MAK16: variants seen among roughly 807,000 people sequenced by gnomAD.
MAK16 encodes the protein MAK16 homolog, also known as protein MAK16 homolog.
Under a neutral mutation model 49.9 loss-of-function variants are expected in MAK16, and 12 were observed. That is an observed-to-expected ratio of 0.24 (90% CI 0.15 to 0.39). The LOEUF is 0.39. Ranked by LOEUF, MAK16 falls within the 10% of genes least tolerant of loss-of-function variation. MAK16 has a pLI of 1.00. For synonymous variants in MAK16, 115 were observed against 126.4 expected (o/e 0.91, Z 0.60); for missense variants, 292 against 363.7 (o/e 0.80, Z 1.60).
intron 1 of MAK16, among the ~76,000 whole-genome samples, chr8:33,487,835 A>G (rs1440379070): frequency 1.3e-5 from 2 of 152,246 alleles, no homozygotes; most frequent in African/African-American, 4.8e-5. Flanking sequence ...ATATTTACAG[A>G]ATAGTAATGA....
chr8:33,487,731 C>G (rs901896909), intron 1 of MAK16, among the ~76,000 whole-genome samples: 1 of 151,744 alleles, frequency 6.6e-6, no homozygotes, highest in Non-Finnish European at 1.5e-5. Flanking sequence ...CCATGAGAGC[C>G]TTTAATAATG....
chr8:33,495,684 AATTTTTTTTTTTTTTTT>A, intron 7 of MAK16, 68 bp downstream of exon 7: 2 of 331,654 alleles, frequency 6.0e-6, no homozygotes, highest in Non-Finnish European at 1.1e-5. Context: ...ACATATTGGG[AATTTTTTTTTTTTTTTT>A]TTTTTTTTTT....
Position 33,500,051 on chromosome 8 carries a change from T to A in MAK16, c.*1422T>A, listed in dbSNP as rs972072546. 6 of 278,580 alleles carry A rather than the reference T, an allele frequency of 2.2e-5. No individual in the cohort carries two copies. The East Asian group carries it at 3.7e-4, about 17-fold the overall frequency. 17.3% of individuals were successfully genotyped at this position (278,580 alleles called of 1,614,324 possible). A position where few individuals can be genotyped will look rare whatever the true frequency, so the allele number is the denominator to read the frequency against. On this transcript the variant is annotated 3_prime_UTR_variant, in exon 10 of 10. Transcript: ENST00000360128. The stretch of plus-strand genomic sequence containing the variant: ...ACAGAACTTAAATTTTACAAACTTT[T>A]GATCATAATGCTTTTGCCCATACTG...
intron 9 of MAK16, 27 bp downstream of exon 9, chr8:33,497,324 C>T: frequency 7.3e-7 from 1 of 1,377,522 alleles, no homozygotes; most frequent in Non-Finnish European, 1.0e-6. Flanking sequence ...AAAAGATTGT[C>T]CTTTGGCCTG....
chr8:33,490,644 A>G (rs891049177), intron 6 of MAK16, among the ~76,000 whole-genome samples: 14 of 152,206 alleles, frequency 9.2e-5, no homozygotes, highest in African/African-American at 3.4e-4. Context: ...TATTTTACAT[A>G]CTACATAAAA....
chr8:33,500,426 C>T lies in MAK16; in HGVS notation c.*1797C>T. The T allele has an allele frequency of 6.2e-7, 1 of 1,614,094 alleles. No homozygotes were observed. Among genetic ancestry groups the T allele is most frequent in the Non-Finnish European group, 8.5e-7 (1 of 1,180,016 alleles). On this transcript the variant is annotated 3_prime_UTR_variant, in exon 10 of 10. Coordinates refer to ENST00000360128, the MANE Select transcript of MAK16 (RefSeq NM_032509.4). ...ACAGACTCAGGTGTAAGGTTTGGAT[C>T]CCTTGCTACATCACAAATCAGTTTC... is the stretch of plus-strand genomic sequence containing the variant.
chr8:33,498,271 C>A (rs1358950538), intron 9 of MAK16, among the ~76,000 whole-genome samples, 161 bp from the exon 10 acceptor site: 556 of 85,336 alleles, frequency 6.5e-3, no homozygotes, highest in Admixed American at 9.2e-3. Flanking sequence ...GACCCCGTCT[C>A]AAAAAAAAAA....
At position 33,490,734 on chromosome 8, in the gene MAK16, A is replaced by T. The variant is rs535424977; in HGVS notation, c.447+395A>T. On this transcript the variant is annotated intron_variant, in intron 6 of 9. Transcript: ENST00000360128. ...ATACAGGCATGCAGTGAGTAATAAC[A>T]TCATGGAAAATTGGGTATCCGTCCC... is the stretch of plus-strand genomic sequence containing the variant. 5.3e-5 allele frequency among the ~76,000 whole-genome samples: 8 copies of T among 152,350 alleles called. No homozygotes were observed. In the South Asian group the frequency reaches 1.7e-3, roughly 32 times the overall value.
chr8:33,486,571 A>G (rs1808691318), intron 1 of MAK16, among the ~76,000 whole-genome samples: 1 of 152,202 alleles, frequency 6.6e-6, no homozygotes, highest in East Asian at 1.9e-4. Flanking sequence ...AATTTTTTTA[A>G]AAACGAAAGT....
chr8:33,485,331 T>C, intron 1 of MAK16, 110 bp downstream of exon 1: 1 of 1,435,362 alleles, frequency 7.0e-7, no homozygotes, highest in Non-Finnish European at 9.8e-7. Context: ...CGTGCCGCTC[T>C]GGATGTGAGG....
chr8:33,489,066 C>T lies in MAK16; in HGVS notation c.319C>T (p.His107Tyr), dbSNP rs751249191. 3 of 1,613,960 alleles carry T rather than the reference C, an allele frequency of 1.9e-6. No individual in the cohort carries two copies. Among genetic ancestry groups the T allele is most frequent in the South Asian group, 2.2e-5 (2 of 91,078 alleles). ...NLIYWPRFIR[H>Y]KCKQRFTKIT... ...GATTTACTGGCCCCGTTTCATTCGA[C>T]ACAAATGTAAGCAGAGATTCACCAA... The change falls in exon 5 of 10, where the codon CAC (histidine) becomes TAC (tyrosine). Residue 107 changes from histidine (H) to tyrosine (Y), a missense_variant. Physicochemically the swap from His to Tyr is moderately conservative, Grantham distance 83. Transcript: ENST00000360128. The surrounding 1 kb of genome is among the most constrained non-coding windows in gnomAD (Gnocchi z 4.2).
In MAK16 at chr8:33,499,123, A is replaced by C. The variant is rs1027334760; in HGVS notation, c.*494A>C. The C allele has an allele frequency of 6.9e-7, 1 of 1,456,520 alleles. No homozygotes were observed. Among genetic ancestry groups the C allele is most frequent in the Admixed American group, 1.7e-5 (1 of 59,536 alleles). The allele number at this position is 1,456,520 out of a possible 1,614,324, so 90.2% of individuals were successfully genotyped here. On this transcript the variant is annotated 3_prime_UTR_variant, in exon 10 of 10. Coordinates refer to ENST00000360128, the MANE Select transcript of MAK16 (RefSeq NM_032509.4). ...TTTTCTTAAATAACTCCATTCATAC[A>C]AATTGGGATGGGAAGAAAATCCTTT...
At chr8:33,488,146 TC>T (rs1808717374) in intron 1 of MAK16, among the ~76,000 whole-genome samples, 1 of 152,160 alleles carries the variant, frequency 6.6e-6, no homozygotes, top group African/African-American at 2.4e-5. Context: ...CAGGCTGGTC[TC>T]AAACTCCTCA....
chr8:33,485,198 G>T lies in MAK16; in HGVS notation c.-9G>T. The T allele has an allele frequency of 6.2e-7, 1 of 1,614,180 alleles. No homozygotes were observed. Among genetic ancestry groups the T allele is most frequent in the Non-Finnish European group, 8.5e-7 (1 of 1,180,036 alleles). ...CCGACCGGAAGTTGCACGCTGAGCC[G>T]CGGACACCATGCAGTCGGATGATGT... On this transcript the variant is annotated 5_prime_UTR_variant, in exon 1 of 10. Coordinates refer to ENST00000360128, the MANE Select transcript of MAK16 (RefSeq NM_032509.4).
intron 6 of MAK16, among the ~76,000 whole-genome samples, chr8:33,492,795 A>G (rs536661449): frequency 1.3e-5 from 2 of 151,070 alleles, no homozygotes; most frequent in East Asian, 1.9e-4. Flanking sequence ...TGTGGTTGCT[A>G]TAGGTCCATA....
chr8:33,498,488 T>A lies in MAK16; in HGVS notation c.762T>A (p.Ser254Arg), dbSNP rs376129403. ...SDEDQDGKSS[S>R]EEEEEKALSA... ...AAGATCAGGATGGTAAATCCTCCAG[T>A]GAGGAGGAGGAAGAAAAGGCCCTTA... Residue 254 changes from serine to arginine, a missense_variant, in exon 10 of 10, where the codon AGT (serine) becomes AGA (arginine). Physicochemically the swap from Ser to Arg is moderately radical, Grantham distance 110. Coordinates refer to ENST00000360128, the MANE Select transcript of MAK16 (RefSeq NM_032509.4). The A allele has an allele frequency of 1.2e-6, 2 of 1,613,272 alleles. No homozygotes were observed. Among genetic ancestry groups the A allele is most frequent in the African/African-American group, 2.7e-5 (2 of 74,668 alleles).
chr8:33,490,458 A>G, intron 6 of MAK16, 119 bp downstream of exon 6: 2 of 673,016 alleles, frequency 3.0e-6, no homozygotes, highest in Non-Finnish European at 5.0e-6. Flanking sequence ...ACTAATAGAT[A>G]ACTATTAGTT....
At chr8:33,493,630 C>T (rs1011184860) in intron 6 of MAK16, among the ~76,000 whole-genome samples, 3 of 151,950 alleles carry the variant, frequency 2.0e-5, no homozygotes, top group Non-Finnish European at 4.4e-5. Flanking sequence ...TCATTATGCT[C>T]CATTAGTTAT....
chr8:33,485,232 TCCGGTTGTTCTTACAC>T lies in MAK16; in HGVS notation c.15+16_15+31del. On this transcript the variant is annotated intron_variant, in intron 1 of 9. Transcript: ENST00000360128. ...ATGCAGTCGGATGATGTGAGTCTCC[TCCGGTTGTTCTTACAC>T]CCGGGGTTTGCGCAGGGAATTTTGC... is the stretch of plus-strand genomic sequence containing the variant. The T allele has an allele frequency of 6.2e-7, 1 of 1,614,226 alleles. No homozygotes were observed. The highest frequency in any genetic ancestry group is 1.1e-5 in the South Asian group (1 of 91,088).
Sources: gnomAD v4.1 joint callset for allele counts (sites outside exome capture counted in the v4.1 genomes callset) on GRCh38, gnomAD v4.1.1 for gene constraint, Gnocchi (gnomAD v3.1) non-coding constraint, MANE v1.5 for transcripts, NCBI Gene and HGNC (gene_info 2026-07-23, HGNC 2026-07-21) for gene names.